The following LRP1B variants were observed in gnomAD, a reference collection of about 807,000 sequenced individuals.
LRP1B encodes the protein low-density lipoprotein receptor-related protein 1B.
In LRP1B, 217 loss-of-function variants were observed where a neutral mutation model predicts 556.6. That is an observed-to-expected ratio of 0.39 (90% CI 0.35 to 0.44). The LOEUF (loss-of-function observed/expected upper bound fraction) is 0.44, where lower values mean the gene tolerates loss of function less well. Among genes scored for constraint, LRP1B ranks in the 20% least tolerant of loss-of-function variants. LRP1B has a pLI of 1.00. For missense variants in LRP1B, 5,053 were observed against 5,620.8 expected, an observed-to-expected ratio of 0.90 and a Z score of 3.23; for synonymous variants, 2,047 against 1,865.8, an observed-to-expected ratio of 1.10 and a Z score of -2.50.
At chr2:140,608,816 A>G (rs572308627) in intron 41 of LRP1B, among the ~76,000 whole-genome samples, 2 of 151,164 alleles carry the variant, frequency 1.3e-5, no homozygotes, top group South Asian at 4.2e-4. Flanking sequence ...TTTTAAAGTG[A>G]CAGTGATTTG....
chr2:141,377,556 A>T (rs1037811246), intron 3 of LRP1B, among the ~76,000 whole-genome samples: 1 of 152,102 alleles, frequency 6.6e-6, no homozygotes, highest in African/African-American at 2.4e-5. Flanking sequence ...ACCTAGAGAC[A>T]TCTTCTTAAC....
intron 77 of LRP1B, among the ~76,000 whole-genome samples, chr2:140,342,601 T>TA (rs1159635247): frequency 6.6e-6 from 1 of 151,682 alleles, no homozygotes; most frequent in Non-Finnish European, 1.5e-5. Flanking sequence ...AGAACATTTT[T>TA]AAAATATGTT....
At chr2:141,633,120 G>A (rs1688974277) in intron 2 of LRP1B, among the ~76,000 whole-genome samples, 1 of 151,870 alleles carries the variant, frequency 6.6e-6, no homozygotes, top group Non-Finnish European at 1.5e-5. Flanking sequence ...TATTGCCTTT[G>A]CCCACCCTGA....
At chr2:141,318,579 A>G (rs1687115264) in intron 3 of LRP1B, among the ~76,000 whole-genome samples, 1 of 152,062 alleles carries the variant, frequency 6.6e-6, no homozygotes, top group African/African-American at 2.4e-5. Context: ...TTTCTCACCT[A>G]GGTTTCAGGA....
At chr2:141,735,926 T>C (rs1424771557) in intron 2 of LRP1B, among the ~76,000 whole-genome samples, 3 of 152,148 alleles carry the variant, frequency 2.0e-5, no homozygotes, top group Admixed American at 2.0e-4. Flanking sequence ...GAAACTCTGT[T>C]TGTTCTTTGT....
chr2:141,461,035 G>GAAAAA (rs113023717), intron 3 of LRP1B, among the ~76,000 whole-genome samples: 1 of 145,154 alleles, frequency 6.9e-6, no homozygotes, highest in Non-Finnish European at 1.5e-5. Context: ...AGCTAGACTG[G>GAAAAA]AAAAAAAAAA....
chr2:140,725,825 A>T (rs1304321249), intron 35 of LRP1B, among the ~76,000 whole-genome samples: 1 of 151,992 alleles, frequency 6.6e-6, no homozygotes, highest in African/African-American at 2.4e-5. Flanking sequence ...CTTCTTCTTC[A>T]TCTCAATTTA....
chr2:140,587,386 A>C (rs1420606811), intron 43 of LRP1B, among the ~76,000 whole-genome samples: 2 of 152,190 alleles, frequency 1.3e-5, no homozygotes, highest in Non-Finnish European at 2.9e-5. Flanking sequence ...CTATAAACCC[A>C]AGACGCATCA....
intron 2 of LRP1B, among the ~76,000 whole-genome samples, chr2:141,530,869 C>T (rs1351284223): frequency 1.3e-5 from 2 of 149,088 alleles, no homozygotes; most frequent in Admixed American, 1.3e-4. Flanking sequence ...ACGCTTGGGG[C>T]ACAGGAAATA....
Position 141,229,437 on chromosome 2 carries a change from G to C in LRP1B, c.596C>G (p.Pro199Arg). 6.4e-7 allele frequency: 1 copy of C among 1,550,920 alleles called. No homozygotes were observed. ...TAATAGTATAGGTGGTCTATCTGTA[G>C]GTTCTGGAATAAAATAGAAAAAGAG... ...DNRSCKAKIEPTDRPPILLIA... is the reference protein window; with the variant it reads ...DNRSCKAKIERTDRPPILLIA... The change falls in exon 6 of 91, where the codon CCT (proline) becomes CGT (arginine). Residue 199 changes from proline to arginine, a missense_variant. Pro to Arg is a moderately radical substitution (Grantham distance 103). Around this residue, in one of 5 missense-constraint regions of LRP1B, gnomAD observed 3,619 missense variants for 3,931.9 expected, o/e 0.92. Transcript: ENST00000389484.
chr2:140,958,319 A>C (rs564639537), intron 18 of LRP1B, among the ~76,000 whole-genome samples: 1 of 151,742 alleles, frequency 6.6e-6, no homozygotes, highest in African/African-American at 2.4e-5. Flanking sequence ...GGTAAGGACA[A>C]AAATAAAAAC....
chr2:141,857,631 C>T (rs1403981886), intron 1 of LRP1B, among the ~76,000 whole-genome samples: 5 of 152,072 alleles, frequency 3.3e-5, no homozygotes, highest in African/African-American at 4.8e-5. Flanking sequence ...GCCACAGCAC[C>T]CGACCCCTCT....
intron 86 of LRP1B, among the ~76,000 whole-genome samples, chr2:140,264,128 G>A (rs889797638): frequency 6.6e-6 from 1 of 152,108 alleles, no homozygotes; most frequent in Non-Finnish European, 1.5e-5. Context: ...TGTACAATGT[G>A]TCTGATACTT....
Position 141,502,867 on chromosome 2 carries a change from A to AAT in LRP1B, c.206-22335_206-22334insAT, listed in dbSNP as rs1553522310. On this transcript the variant is annotated intron_variant, in intron 2 of 90. Transcript: ENST00000389484. Reference sequence around the variant, plus strand: ...AGGGAGACCCCGTCTCAAAAAATAAAAAATAAATAAAAATAAAAATTAAAA... The same window carrying AAT: ...AGGGAGACCCCGTCTCAAAAAATAAAATAAATAAATAAAAATAAAAATTAAAA... 2.4e-3 allele frequency among the ~76,000 whole-genome samples: 354 copies of AAT among 150,494 alleles called. 5 individuals carry two copies. The highest frequency in any genetic ancestry group is 6.9e-3 in the African/African-American group (282 of 41,094).
chr2:141,469,398 G>C (rs1682373036), intron 3 of LRP1B, among the ~76,000 whole-genome samples: 2 of 152,088 alleles, frequency 1.3e-5, no homozygotes, highest in African/African-American at 4.8e-5. Context: ...CAAAATACCA[G>C]AGGCTTGGTA....
intron 84 of LRP1B, among the ~76,000 whole-genome samples, chr2:140,295,975 G>A (rs1195941290): frequency 6.6e-6 from 1 of 152,038 alleles, no homozygotes; most frequent in Non-Finnish European, 1.5e-5. Context: ...AGGTAAAATT[G>A]AGAGTGAAAA....
At chr2:140,891,221 C>T (rs2105201865) in intron 23 of LRP1B, among the ~76,000 whole-genome samples, 1 of 152,098 alleles carries the variant, frequency 6.6e-6, no homozygotes, top group East Asian at 1.9e-4. Flanking sequence ...AGAAAACACT[C>T]AGAAGACTGT....
At chr2:142,128,438 C>T (rs534222387) in intron 1 of LRP1B, among the ~76,000 whole-genome samples, 1 of 152,280 alleles carries the variant, frequency 6.6e-6, no homozygotes, top group Admixed American at 6.5e-5. Flanking sequence ...TCTCATTAAC[C>T]TCTTTCTTGA....
chr2:141,340,061 T>C (rs77866125), intron 3 of LRP1B, among the ~76,000 whole-genome samples: 1,715 of 152,288 alleles, frequency 0.011, 35 homozygotes, highest in African/African-American at 0.04. Flanking sequence ...AACTCCAATA[T>C]AAAGCTTCTC....
Sources: allele counts gnomAD v4.1 joint callset (sites outside exome capture counted in the v4.1 genomes callset), GRCh38; gene constraint gnomAD v4.1.1; regional missense constraint gnomAD v4.1.1; transcripts MANE v1.5; gene names NCBI Gene and HGNC (gene_info 2026-07-23, HGNC 2026-07-21).